CYP2C18: variants seen among roughly 807,000 people sequenced by gnomAD.
CYP2C18 encodes the protein cytochrome P450 family 2 subfamily C member 18.
CYP2C18 carries 38 observed loss-of-function variants against 41.3 expected under a neutral mutation model. The observed-to-expected ratio is 0.92, with a 90% CI of 0.71 to 1.21. The LOEUF (loss-of-function observed/expected upper bound fraction) is 1.21. Ranked by LOEUF, CYP2C18 falls within the 50% of genes most tolerant of loss-of-function variation. The pLI is 0.00. For synonymous variants in CYP2C18, 236 were observed against 210.0 expected (o/e 1.12, Z -1.07); for missense variants, 635 against 591.4 (o/e 1.07, Z -0.77).
At chr10:94,712,008 A>ATTTTTTTTTTTTTTTTTTTTCTTTTT (rs35672164) in intron 5 of CYP2C18, among the ~76,000 whole-genome samples, 1 of 97,874 alleles carries the variant, frequency 1.0e-5, no homozygotes, top group South Asian at 4.2e-4. Flanking sequence ...TGCCCAACTA[A>ATTTTTTTTTTTTTTTTTTTTCTTTTT]TTTTTTTTTT....
chr10:94,713,178 AT>A (rs963894649), intron 5 of CYP2C18, among the ~76,000 whole-genome samples: 61 of 151,336 alleles, frequency 4.0e-4, no homozygotes, highest in Middle Eastern at 3.4e-3. Flanking sequence ...TTTTTCTCAT[AT>A]TTTTTTCTTT....
At chr10:94,708,151 A>T (rs1271426770) in intron 5 of CYP2C18, among the ~76,000 whole-genome samples, 3 of 152,188 alleles carry the variant, frequency 2.0e-5, no homozygotes, top group African/African-American at 7.2e-5. Flanking sequence ...ATGCTGATGA[A>T]GGTGACTTCC....
chr10:94,690,546 C>G (rs1846979300), intron 3 of CYP2C18, among the ~76,000 whole-genome samples: 1 of 152,102 alleles, frequency 6.6e-6, no homozygotes, highest in Non-Finnish European at 1.5e-5. Context: ...TAATTAATAG[C>G]TTACCAACCA....
rs1846892778 is a variant in CYP2C18 at position 94,686,645 on chromosome 10, C to T, written c.169-1125C>T. On this transcript the variant is annotated intron_variant, in intron 1 of 8. Coordinates refer to ENST00000285979, the MANE Select transcript of CYP2C18 (RefSeq NM_000772.3). Reference sequence around the variant, plus strand: ...TGTTATAGGAACATTCCTCAGCATTCCTCCTGTACCAGCAGAGGCTGATTA... The same window carrying T: ...TGTTATAGGAACATTCCTCAGCATTTCTCCTGTACCAGCAGAGGCTGATTA... Among the ~76,000 whole-genome samples the T allele has an allele frequency of 3.3e-5, 5 of 152,154 alleles. No homozygotes were observed. In the South Asian group the frequency reaches 1.0e-3, roughly 31 times the overall value.
rs1470647697 is a variant in CYP2C18, at chr10:94,695,033, A to C, written c.598A>C (p.Lys200Gln). The C allele has an allele frequency of 1.2e-5, 20 of 1,613,190 alleles. No individual in the cohort carries two copies. In the South Asian group the frequency reaches 2.2e-4, roughly 18 times the overall value. The stretch of plus-strand genomic sequence containing the variant: ...TCAGAGGTTTCTTAACTTGATGGAA[A>C]AATTCAATGAAAACCTCAGGATTCT... The part of the protein sequence containing the change: ...KDQRFLNLME[K>Q]FNENLRILSS... The change falls in exon 4 of 9, where the codon AAA becomes CAA. Residue 200 changes from lysine to glutamine, a missense_variant. Lys to Gln is a moderately conservative substitution (Grantham distance 53). Coordinates refer to ENST00000285979, the MANE Select transcript of CYP2C18 (RefSeq NM_000772.3).
At chr10:94,705,066 A>G (rs1407096528) in intron 4 of CYP2C18, among the ~76,000 whole-genome samples, 1 of 152,216 alleles carries the variant, frequency 6.6e-6, no homozygotes, top group African/African-American at 2.4e-5. Context: ...AGGGCCTTCC[A>G]CTGCGAGCAG....
chr10:94,722,247 A>G (rs1847659118), intron 6 of CYP2C18, among the ~76,000 whole-genome samples: 1 of 152,104 alleles, frequency 6.6e-6, no homozygotes, highest in South Asian at 2.1e-4. Flanking sequence ...CTGCATCTAG[A>G]AAAATGGTAC....
At chr10:94,700,669 C>A (rs1847220792) in intron 4 of CYP2C18, among the ~76,000 whole-genome samples, 1 of 152,122 alleles carries the variant, frequency 6.6e-6, no homozygotes, top group Non-Finnish European at 1.5e-5. Context: ...AACAAACCAC[C>A]ATCAGAGTGA....
At chr10:94,688,062 A>G in intron 2 of CYP2C18, 63 bp from the exon 3 acceptor site, 3 of 1,609,300 alleles carry the variant, frequency 1.9e-6, no homozygotes, top group Non-Finnish European at 2.5e-6. Flanking sequence ...GTGGCTGCCG[A>G]GTGTCAGCTC....
chr10:94,733,404 T>C lies in CYP2C18; in HGVS notation c.1257T>C (p.Phe419=), dbSNP rs138527038. The change falls in exon 8 of 9, where the codon TTT becomes TTC. Residue 419 remains phenylalanine (F), a synonymous_variant. Transcript: ENST00000285979. The part of the protein sequence containing the change: ...PGHFLDKSGN[F]KKSDYFMPFS... ...ACTTTCTGGATAAGAGTGGCAACTT[T>C]AAGAAAAGTGACTACTTCATGCCTT... 1.2e-4 allele frequency: 187 copies of C among 1,613,282 alleles called. No homozygotes were observed. The highest frequency in any genetic ancestry group is 1.5e-4 in the Non-Finnish European group (179 of 1,179,564).
At chr10:94,701,714 C>G (rs1283559395) in intron 4 of CYP2C18, among the ~76,000 whole-genome samples, 1 of 152,176 alleles carries the variant, frequency 6.6e-6, no homozygotes, top group Non-Finnish European at 1.5e-5. Context: ...GGGAAGGACT[C>G]AAACACTATG....
chr10:94,733,061 TA>T (rs1589808833), intron 7 of CYP2C18, among the ~76,000 whole-genome samples: 1 of 152,126 alleles, frequency 6.6e-6, no homozygotes, highest in East Asian at 1.9e-4. Flanking sequence ...TGCCCCCGAG[TA>T]CTCAAATGCT....
At chr10:94,695,662 C>A (rs1847102596) in intron 4 of CYP2C18, among the ~76,000 whole-genome samples, 1 of 152,058 alleles carries the variant, frequency 6.6e-6, no homozygotes, top group Non-Finnish European at 1.5e-5. Context: ...GCACAATGAG[C>A]ATGAGCCAAA....
chr10:94,716,821 T>A (rs984420779), intron 5 of CYP2C18, among the ~76,000 whole-genome samples: 2 of 152,178 alleles, frequency 1.3e-5, no homozygotes, highest in Middle Eastern at 3.2e-3. Context: ...AGTCTAATTA[T>A]CTTCGTAGGT....
intron 7 of CYP2C18, among the ~76,000 whole-genome samples, chr10:94,726,340 C>T (rs1053731568): frequency 6.6e-6 from 1 of 151,948 alleles, no homozygotes; most frequent in Non-Finnish European, 1.5e-5. Context: ...TAATGTTATC[C>T]CTCCCCTAGC....
chr10:94,724,902 T>C (rs562469958), intron 7 of CYP2C18, among the ~76,000 whole-genome samples: 3 of 152,036 alleles, frequency 2.0e-5, no homozygotes, highest in South Asian at 4.1e-4. Context: ...ATAATTGATG[T>C]CCTGACAGGT....
intron 4 of CYP2C18, among the ~76,000 whole-genome samples, chr10:94,700,807 A>C (rs1847224897): frequency 6.6e-6 from 1 of 152,246 alleles, no homozygotes; most frequent in Non-Finnish European, 1.5e-5. Flanking sequence ...AAAGTGGGCA[A>C]AGGTTATGAA....
chr10:94,720,500 T>G lies in CYP2C18; in HGVS notation c.924T>G (p.Tyr308Ter). The G allele has an allele frequency of 6.2e-7, 1 of 1,613,420 alleles. No individual in the cohort carries two copies. Among genetic ancestry groups the G allele is most frequent in the Non-Finnish European group, 8.5e-7 (1 of 1,179,572 alleles). ...AGACAACGAGCACCACTCTGAGATATGGACTCCTGCTCCTGCTGAAGTACC... is the reference window on the plus strand; with the variant it reads ...AGACAACGAGCACCACTCTGAGATAGGGACTCCTGCTCCTGCTGAAGTACC... ...GTETTSTTLR[Y>*]GLLLLLKYPE... The change falls in exon 6 of 9, where the codon TAT becomes TAG. Residue 308 changes from tyrosine (Y) to a stop codon, truncating the protein, a stop_gained. Coordinates refer to ENST00000285979, the MANE Select transcript of CYP2C18 (RefSeq NM_000772.3). LOFTEE classifies it high-confidence loss of function.
chr10:94,700,325 A>G (rs914070092), intron 4 of CYP2C18, among the ~76,000 whole-genome samples: 10 of 152,336 alleles, frequency 6.6e-5, no homozygotes, highest in East Asian at 3.9e-4. Flanking sequence ...ATAATGCCAC[A>G]TATCTACAAC....
Sources: allele counts gnomAD v4.1 joint callset (sites outside exome capture counted in the v4.1 genomes callset), GRCh38; gene constraint gnomAD v4.1.1; transcripts MANE v1.5; gene names NCBI Gene and HGNC (gene_info 2026-07-23, HGNC 2026-07-21).